PAK1: variants seen among roughly 807,000 people sequenced by gnomAD.
PAK1 encodes serine/threonine-protein kinase PAK 1.
Under a neutral mutation model 67.4 loss-of-function variants are expected in PAK1, and 29 were observed. The ratio of observed to expected loss-of-function variants is 0.43; its 90% CI spans 0.32 to 0.59. PAK1 has a LOEUF of 0.59. PAK1 is among the 20% of genes least tolerant of loss of function. The pLI, the probability that PAK1 is intolerant of heterozygous loss-of-function variation, is 0.07. For synonymous variants in PAK1, 223 were observed against 237.4 expected (o/e 0.94, Z 0.56); for missense variants, 337 against 670.7 (o/e 0.50, Z 5.50).
At chr11:77,341,442 CA>C (rs1943589707) in intron 10 of PAK1, among the ~76,000 whole-genome samples, 1 of 152,168 alleles carries the variant, frequency 6.6e-6, no homozygotes, top group Non-Finnish European at 1.5e-5. Context: ...ATGAATTTAG[CA>C]AGGGCTTATG....
chr11:77,481,998 T>C, the PAK1 span, among the ~76,000 whole-genome samples: 1 of 151,474 alleles, frequency 6.6e-6, no homozygotes, highest in Non-Finnish European at 1.5e-5. Context: ...GTTTTGCTTC[T>C]TTTTTTTTGA....
the PAK1 span, among the ~76,000 whole-genome samples, chr11:77,523,598 T>G: frequency 1.3e-5 from 2 of 152,080 alleles, no homozygotes; most frequent in African/African-American, 4.8e-5. Context: ...TTTTGTATTT[T>G]TAGTAGAGAC....
the PAK1 span, among the ~76,000 whole-genome samples, chr11:77,490,063 C>G: frequency 6.6e-6 from 1 of 150,392 alleles, no homozygotes; most frequent in Non-Finnish European, 1.5e-5. Flanking sequence ...TGCCCGGCCG[C>G]CCATCGTCTG....
intron 1 of PAK1, among the ~76,000 whole-genome samples, chr11:77,427,739 T>G (rs1168347165): frequency 1.3e-5 from 2 of 152,124 alleles, no homozygotes; most frequent in Non-Finnish European, 2.9e-5. Context: ...AGAGAGAGAA[T>G]GAAGTAAATA....
intron 5 of PAK1, among the ~76,000 whole-genome samples, chr11:77,369,952 C>G (rs1014943951): frequency 2.0e-5 from 3 of 152,018 alleles, no homozygotes; most frequent in Admixed American, 2.0e-4. Context: ...TGTTGTGTTT[C>G]TCTCAAATGT....
chr11:77,501,375 CTT>C, the PAK1 span, among the ~76,000 whole-genome samples: 1 of 152,246 alleles, frequency 6.6e-6, no homozygotes, highest in South Asian at 2.1e-4. Context: ...TGACTCCTCT[CTT>C]CTTCATCCTT....
At chr11:77,426,795 T>C (rs898868954) in intron 1 of PAK1, among the ~76,000 whole-genome samples, 12 of 149,522 alleles carry the variant, frequency 8.0e-5, no homozygotes, top group Non-Finnish European at 1.8e-4. Flanking sequence ...GAAATTATTT[T>C]AATGAGACTG....
intron 1 of PAK1, among the ~76,000 whole-genome samples, chr11:77,447,929 C>T (rs938165924): frequency 1.3e-5 from 2 of 152,194 alleles, no homozygotes; most frequent in African/African-American, 2.4e-5. Flanking sequence ...TATGAGAGTA[C>T]CACAGCTATT....
chr11:77,434,352 CAA>C (rs1956010205), intron 1 of PAK1, among the ~76,000 whole-genome samples: 1 of 151,274 alleles, frequency 6.6e-6, no homozygotes. Flanking sequence ...TATTTTTCAG[CAA>C]AAAAATACTG....
chr11:77,462,780 C>T (rs903611059), intron 1 of PAK1, among the ~76,000 whole-genome samples: 5 of 149,910 alleles, frequency 3.3e-5, no homozygotes, highest in Non-Finnish European at 5.9e-5. Context: ...TGCAGTGAGC[C>T]GAGACCGTGC....
At chr11:77,523,480 C>G in the PAK1 span, among the ~76,000 whole-genome samples, 2 of 149,760 alleles carry the variant, frequency 1.3e-5, no homozygotes, top group Non-Finnish European at 3.0e-5. Flanking sequence ...AGTGCAGTGA[C>G]GCGATCTCAG....
At chr11:77,461,919 C>T (rs2135493172) in intron 1 of PAK1, among the ~76,000 whole-genome samples, 1 of 152,290 alleles carries the variant, frequency 6.6e-6, no homozygotes, top group Admixed American at 6.5e-5. Context: ...GACAAATAGG[C>T]CTTCAAGGGT....
chr11:77,430,765 G>A (rs916453193), intron 1 of PAK1, among the ~76,000 whole-genome samples: 1 of 152,162 alleles, frequency 6.6e-6, no homozygotes, highest in African/African-American at 2.4e-5. Flanking sequence ...TAAAGCGTTA[G>A]GAAAAGAATC....
At chr11:77,464,631 T>A (rs1219059714) in intron 1 of PAK1, among the ~76,000 whole-genome samples, 2 of 152,210 alleles carry the variant, frequency 1.3e-5, no homozygotes, top group Non-Finnish European at 2.9e-5. Context: ...TGACTTATGA[T>A]TAGGTTACGA....
At chr11:77,411,941 G>C (rs1954605756) in intron 1 of PAK1, 1 of 152,366 alleles carries the variant, frequency 6.6e-6, no homozygotes. Flanking sequence ...GGTGCAGCAC[G>C]CTCGCGCTCT....
the PAK1 span, among the ~76,000 whole-genome samples, chr11:77,489,435 C>T: frequency 6.6e-6 from 1 of 151,542 alleles, no homozygotes; most frequent in African/African-American, 2.4e-5. Context: ...TCTCCCCTCT[C>T]CCCTCTCCCC....
chr11:77,517,857 T>A, the PAK1 span, among the ~76,000 whole-genome samples: 2 of 152,202 alleles, frequency 1.3e-5, no homozygotes, highest in East Asian at 3.9e-4. Flanking sequence ...ACAACCTAGA[T>A]CCCTTCCTTG....
At chr11:77,484,963 A>AAC in the PAK1 span, among the ~76,000 whole-genome samples, 2 of 152,316 alleles carry the variant, frequency 1.3e-5, no homozygotes, top group Non-Finnish European at 2.9e-5. Context: ...CAGGCAAAAA[A>AAC]AGAGAGAGCT....
intron 8 of PAK1, among the ~76,000 whole-genome samples, chr11:77,352,417 C>A (rs577648392): frequency 6.6e-6 from 1 of 152,110 alleles, no homozygotes; most frequent in African/African-American, 2.4e-5. Context: ...AACGATGGAC[C>A]GCATATGATG....
Sources: gnomAD v4.1 joint callset for allele counts (sites outside exome capture counted in the v4.1 genomes callset) on GRCh38, gnomAD v4.1.1 for gene constraint, MANE v1.5 for transcripts, NCBI Gene and HGNC (gene_info 2026-07-23, HGNC 2026-07-21) for gene names.